The following TBL1XR1 variants were observed in gnomAD, a reference collection of about 807,000 sequenced individuals.
TBL1XR1 encodes the protein TBL1X/Y related 1, also known as F-box-like/WD repeat-containing protein TBL1XR1.
Under a neutral mutation model 66.9 loss-of-function variants are expected in TBL1XR1, and 5 were observed. The ratio of observed to expected loss-of-function variants is 0.07; its 90% CI spans 0.04 to 0.16. TBL1XR1 has a LOEUF of 0.16. Ranked by LOEUF, TBL1XR1 falls within the 10% of genes least tolerant of loss-of-function variation. TBL1XR1 has a pLI of 1.00. For missense variants in TBL1XR1, 238 were observed against 623.2 expected (o/e 0.38, Z 6.58); for synonymous variants, 210 against 206.0 (o/e 1.02, Z -0.17).
intron 10 of TBL1XR1, among the ~76,000 whole-genome samples, chr3:177,042,390 T>TA (rs1715709659): frequency 1.3e-5 from 2 of 151,974 alleles, no homozygotes; most frequent in Non-Finnish European, 2.9e-5. Flanking sequence ...GAGGCTAAAA[T>TA]AAACAAAAAG....
chr3:177,055,728 GGTTGGAGATTCCT>G (rs1240928436), intron 3 of TBL1XR1, among the ~76,000 whole-genome samples: 1 of 152,020 alleles, frequency 6.6e-6, no homozygotes, highest in Non-Finnish European at 1.5e-5. Flanking sequence ...TAAGCAGTGA[GGTTGGAGATTCCT>G]GTTTTCAATT....
At chr3:177,133,027 G>T (rs1053215596) in intron 1 of TBL1XR1, among the ~76,000 whole-genome samples, 6 of 152,152 alleles carry the variant, frequency 3.9e-5, no homozygotes, top group Non-Finnish European at 7.3e-5. Flanking sequence ...GGTGGCTCAC[G>T]CCTGGAATCC....
chr3:177,186,726 T>A (rs1316532121), intron 1 of TBL1XR1, among the ~76,000 whole-genome samples: 1 of 152,208 alleles, frequency 6.6e-6, no homozygotes, highest in African/African-American at 2.4e-5. Flanking sequence ...TATGAAAGGC[T>A]GTAGATTTTT....
intron 1 of TBL1XR1, among the ~76,000 whole-genome samples, chr3:177,186,467 T>C (rs1735421504): frequency 6.6e-6 from 1 of 152,184 alleles, no homozygotes; most frequent in African/African-American, 2.4e-5. Flanking sequence ...CCAAAGTAGA[T>C]GAGTCAATTG....
chr3:177,184,800 C>CAAA (rs35413456), intron 1 of TBL1XR1, among the ~76,000 whole-genome samples: 1 of 135,950 alleles, frequency 7.4e-6, no homozygotes. Context: ...GACTGTGGCT[C>CAAA]AAAAAAAAAA....
At chr3:177,098,937 T>C (rs1276851371) in intron 1 of TBL1XR1, among the ~76,000 whole-genome samples, 1 of 152,212 alleles carries the variant, frequency 6.6e-6, no homozygotes, top group Non-Finnish European at 1.5e-5. Flanking sequence ...AAGAGAAATA[T>C]ATCATTGGTT....
chr3:177,031,171 CCACAAA>C (rs1387614711), intron 14 of TBL1XR1, among the ~76,000 whole-genome samples: 2 of 151,810 alleles, frequency 1.3e-5, no homozygotes, highest in Non-Finnish European at 2.9e-5. Flanking sequence ...TAGTGTCTTC[CCACAAA>C]CACAAAGTTA....
intron 1 of TBL1XR1, among the ~76,000 whole-genome samples, chr3:177,181,168 C>G (rs1461529423): frequency 6.6e-6 from 1 of 152,192 alleles, no homozygotes; most frequent in South Asian, 2.1e-4. Flanking sequence ...TATTCTCCAA[C>G]TCTGTCTTGT....
chr3:177,151,807 T>C (rs547017480), intron 1 of TBL1XR1, among the ~76,000 whole-genome samples: 2 of 152,250 alleles, frequency 1.3e-5, no homozygotes, highest in South Asian at 2.1e-4. Context: ...GCAGATCACC[T>C]GAGTTCAGAA....
intron 1 of TBL1XR1, among the ~76,000 whole-genome samples, chr3:177,184,512 CACCAGTTG>C (rs919070491): frequency 1.3e-5 from 2 of 152,086 alleles, no homozygotes; most frequent in African/African-American, 4.8e-5. Flanking sequence ...ATTCAAAATT[CACCAGTTG>C]GCCAGGTGCG....
intron 1 of TBL1XR1, among the ~76,000 whole-genome samples, chr3:177,142,064 A>T (rs1356994791): frequency 6.6e-6 from 1 of 152,228 alleles, no homozygotes; most frequent in Non-Finnish European, 1.5e-5. Flanking sequence ...GAATGAGAAG[A>T]AGTTGCTTAA....
At chr3:177,087,203 T>C (rs1288210357) in intron 2 of TBL1XR1, among the ~76,000 whole-genome samples, 2 of 141,742 alleles carry the variant, frequency 1.4e-5, no homozygotes, top group Non-Finnish European at 3.1e-5. Context: ...CATTTTGGGG[T>C]TGATTTTTAC....
chr3:177,143,064 G>A (rs1409465457), intron 1 of TBL1XR1, among the ~76,000 whole-genome samples: 1 of 151,034 alleles, frequency 6.6e-6, no homozygotes, highest in Non-Finnish European at 1.5e-5. Context: ...TATGCTTAGG[G>A]CTATCTAGTA....
At chr3:177,117,764 C>CTA (rs1371441103) in intron 1 of TBL1XR1, among the ~76,000 whole-genome samples, 4 of 152,156 alleles carry the variant, frequency 2.6e-5, no homozygotes, top group Admixed American at 2.6e-4. Context: ...TTAATAAACT[C>CTA]TACTTCTATG....
chr3:177,179,162 G>A (rs939468044), intron 1 of TBL1XR1, among the ~76,000 whole-genome samples: 1 of 147,620 alleles, frequency 6.8e-6, no homozygotes, highest in Admixed American at 6.8e-5. Flanking sequence ...GCTGTGAAGA[G>A]ATGGGGGAGA....
chr3:177,087,371 A>G (rs1272510139), intron 2 of TBL1XR1, among the ~76,000 whole-genome samples: 1 of 152,122 alleles, frequency 6.6e-6, no homozygotes, highest in Non-Finnish European at 1.5e-5. Flanking sequence ...AATAAACTCA[A>G]AATGATCCCA....
chr3:177,156,566 CACAT>C (rs1347174455), intron 1 of TBL1XR1, among the ~76,000 whole-genome samples: 1 of 149,964 alleles, frequency 6.7e-6, no homozygotes, highest in Non-Finnish European at 1.5e-5. Context: ...TATATACACA[CACAT>C]ACATTTATAT....
chr3:177,111,455 T>A (rs867292359), intron 1 of TBL1XR1, among the ~76,000 whole-genome samples: 1 of 151,904 alleles, frequency 6.6e-6, no homozygotes, highest in African/African-American at 2.4e-5. Context: ...GTATTTTTAG[T>A]AGAGACAAAA....
At chr3:177,144,294 T>C (rs1490043189) in intron 1 of TBL1XR1, among the ~76,000 whole-genome samples, 1 of 152,024 alleles carries the variant, frequency 6.6e-6, no homozygotes, top group African/African-American at 2.4e-5. Context: ...TTTTGACTCA[T>C]GGCACTGACA....
Sources: allele counts gnomAD v4.1 joint callset (sites outside exome capture counted in the v4.1 genomes callset), GRCh38; gene constraint gnomAD v4.1.1; transcripts MANE v1.5; gene names NCBI Gene and HGNC (gene_info 2026-07-23, HGNC 2026-07-21).